SMYD3: variants seen among roughly 807,000 people sequenced by gnomAD.
SMYD3 encodes SET and MYND domain containing 3.
SMYD3 carries 36 observed loss-of-function variants against 57.7 expected under a neutral mutation model. The ratio of observed to expected loss-of-function variants is 0.62; its 90% CI spans 0.48 to 0.82. The LOEUF (loss-of-function observed/expected upper bound fraction) is 0.82, where lower values mean the gene tolerates loss of function less well. Among genes scored for constraint, SMYD3 ranks in the 40% least tolerant of loss-of-function variants. The pLI is 0.00. For missense variants in SMYD3, 515 were observed against 538.8 expected (o/e 0.96, Z 0.44); for synonymous variants, 211 against 195.0 (o/e 1.08, Z -0.68).
At chr1:246,098,158 A>G (rs1013026367) in intron 5 of SMYD3, among the ~76,000 whole-genome samples, 2 of 152,210 alleles carry the variant, frequency 1.3e-5, no homozygotes, top group Non-Finnish European at 2.9e-5. Flanking sequence ...ACCCGCACCC[A>G]AAAAGACAAC....
intron 11 of SMYD3, 51 bp downstream of exon 11, chr1:245,763,990 G>A: frequency 7.2e-7 from 1 of 1,382,868 alleles, no homozygotes; most frequent in Non-Finnish European, 1.0e-6. Flanking sequence ...CCCAGCAACA[G>A]CAGAAAAAAA....
At chr1:245,927,163 C>G (rs1349230033) in intron 7 of SMYD3, among the ~76,000 whole-genome samples, 1 of 152,220 alleles carries the variant, frequency 6.6e-6, no homozygotes, top group African/African-American at 2.4e-5. Flanking sequence ...AAACGGGGTT[C>G]TGGAAAGTAG....
chr1:246,404,886 T>TAA (rs1281114689), intron 1 of SMYD3, among the ~76,000 whole-genome samples: 1 of 152,208 alleles, frequency 6.6e-6, no homozygotes, highest in Admixed American at 6.5e-5. Context: ...AGTCCTGACT[T>TAA]AGACACTAAT....
At chr1:245,871,329 C>T (rs2052177963) in intron 8 of SMYD3, among the ~76,000 whole-genome samples, 1 of 152,178 alleles carries the variant, frequency 6.6e-6, no homozygotes, top group South Asian at 2.1e-4. Flanking sequence ...TAAAAGGAGA[C>T]ATCTGTGCTG....
chr1:246,085,647 T>C (rs762927926), intron 5 of SMYD3, among the ~76,000 whole-genome samples: 38 of 152,170 alleles, frequency 2.5e-4, no homozygotes, highest in Non-Finnish European at 4.4e-4. Context: ...CACATTTCTC[T>C]AAGACTCTCC....
At position 246,209,238 on chromosome 1, in the gene SMYD3, T is replaced by C. The variant is rs2063049686; in HGVS notation, c.531+117963A>G. Among the ~76,000 whole-genome samples the C allele has an allele frequency of 3.3e-5, 5 of 152,188 alleles. No homozygotes were observed. The South Asian group carries it at 1.0e-3, about 31-fold the overall frequency. The stretch of plus-strand genomic sequence containing the variant: ...ACGAGGTCAGAAATGGCTGTGATGA[T>C]AAATTACAGACCTTAATAACTTCTG... On this transcript the variant is annotated intron_variant, in intron 5 of 11. Coordinates refer to ENST00000490107, the MANE Select transcript of SMYD3 (RefSeq NM_001167740.2).
At chr1:245,801,493 T>C (rs2047859537) in intron 10 of SMYD3, among the ~76,000 whole-genome samples, 2 of 152,202 alleles carry the variant, frequency 1.3e-5, no homozygotes, top group African/African-American at 4.8e-5. Flanking sequence ...ATTTAAGACA[T>C]GTTTATCAAA....
At chr1:246,410,096 T>A (rs566279621) in intron 1 of SMYD3, among the ~76,000 whole-genome samples, 1 of 152,202 alleles carries the variant, frequency 6.6e-6, no homozygotes, top group South Asian at 2.1e-4. Context: ...TTTCTAGATA[T>A]ACAATCATGT....
chr1:246,013,279 AAG>A (rs377278529), intron 5 of SMYD3, among the ~76,000 whole-genome samples: 50 of 152,310 alleles, frequency 3.3e-4, no homozygotes, highest in African/African-American at 1.2e-3. Context: ...TCCTGGGTTC[AAG>A]AGATTCTAGT....
chr1:246,285,234 G>T lies in SMYD3; in HGVS notation c.531+41967C>A, dbSNP rs1238877319. Among the ~76,000 whole-genome samples the T allele has an allele frequency of 2.0e-5, 3 of 152,082 alleles. No individual in the cohort carries two copies. In the East Asian group the frequency reaches 5.8e-4, roughly 29 times the overall value. On this transcript the variant is annotated intron_variant, in intron 5 of 11. Transcript: ENST00000490107. ...ACAATGTTTGGTTTTCCATTCCTCA[G>T]TTACTTCACTTAGAACAACAGTCTC...
chr1:245,906,115 C>T lies in SMYD3; in HGVS notation c.813+9415G>A, dbSNP rs140972491. Among the ~76,000 whole-genome samples the T allele has an allele frequency of 1.4e-4, 21 of 152,276 alleles. 1 individual carries two copies. In the East Asian group the frequency reaches 4.1e-3, roughly 29 times the overall value. ...TATTTTGAGCAATACCCTATAAACA[C>T]AGGCAACCAAAGAAAACATGGACAA... On this transcript the variant is annotated intron_variant, in intron 8 of 11. Transcript: ENST00000490107.
At chr1:245,953,259 A>T in intron 5 of SMYD3, 2 of 1,000,126 alleles carry the variant, frequency 2.0e-6, no homozygotes, top group Non-Finnish European at 2.4e-6. Context: ...CATAGTTTAA[A>T]TTTGCTACAT....
chr1:246,424,739 C>G (rs948480971), intron 1 of SMYD3, among the ~76,000 whole-genome samples: 1 of 152,106 alleles, frequency 6.6e-6, no homozygotes, highest in African/African-American at 2.4e-5. Flanking sequence ...TACTAGACAT[C>G]GCCAAATAAA....
chr1:245,750,124 T>C (rs986746701), intron 11 of SMYD3, among the ~76,000 whole-genome samples: 3 of 152,180 alleles, frequency 2.0e-5, no homozygotes, highest in African/African-American at 4.8e-5. Context: ...AGCACTGGCA[T>C]TTCAACAGTC....
intron 1 of SMYD3, among the ~76,000 whole-genome samples, chr1:246,451,681 G>A (rs1237007254): frequency 6.6e-6 from 1 of 152,242 alleles, no homozygotes; most frequent in Non-Finnish European, 1.5e-5. Flanking sequence ...CAACAAACGT[G>A]CCATTCTGGC....
chr1:245,995,979 G>GAA (rs1183913248), intron 5 of SMYD3, among the ~76,000 whole-genome samples: 17 of 151,058 alleles, frequency 1.1e-4, no homozygotes, highest in African/African-American at 4.1e-4. Flanking sequence ...CAGATGTATA[G>GAA]AAAAAAAAAT....
At chr1:245,915,444 T>C in intron 8 of SMYD3, 86 bp downstream of exon 8, 3 of 783,626 alleles carry the variant, frequency 3.8e-6, no homozygotes, top group South Asian at 3.5e-5. Flanking sequence ...TCATTACTTT[T>C]GGGTTTATGA....
At chr1:246,481,377 G>T (rs1572042855) in intron 1 of SMYD3, among the ~76,000 whole-genome samples, 1 of 151,266 alleles carries the variant, frequency 6.6e-6, no homozygotes, top group East Asian at 2.0e-4. Flanking sequence ...AATGTTAGTA[G>T]ATATCATCCA....
intron 7 of SMYD3, among the ~76,000 whole-genome samples, chr1:245,919,454 C>T (rs1208414874): frequency 6.6e-6 from 1 of 152,202 alleles, no homozygotes; most frequent in Non-Finnish European, 1.5e-5. Flanking sequence ...ATCCTCCAAG[C>T]TTGGCTCAAA....
Sources: allele counts gnomAD v4.1 joint callset (sites outside exome capture counted in the v4.1 genomes callset), GRCh38; gene constraint gnomAD v4.1.1; transcripts MANE v1.5; gene names NCBI Gene and HGNC (gene_info 2026-07-23, HGNC 2026-07-21).